Variants in ANKS1B observed in about 807,000 individuals in gnomAD.
ANKS1B encodes ankyrin repeat and sterile alpha motif domain containing 1B.
ANKS1B carries 36 observed loss-of-function variants against 148.3 expected under a neutral mutation model. The ratio of observed to expected loss-of-function variants is 0.24; its 90% CI spans 0.19 to 0.32. The LOEUF (loss-of-function observed/expected upper bound fraction) is 0.32, where lower values mean the gene tolerates loss of function less well. ANKS1B is among the 10% of genes least tolerant of loss of function. ANKS1B has a pLI of 1.00. For synonymous variants in ANKS1B, 542 were observed against 560.8 expected, an observed-to-expected ratio of 0.97 and a Z score of 0.47; for missense variants, 1,157 against 1,542.6, an observed-to-expected ratio of 0.75 and a Z score of 4.19.
intron 14 of ANKS1B, among the ~76,000 whole-genome samples, chr12:99,243,561 T>A (rs1006904285): frequency 6.6e-6 from 1 of 152,230 alleles, no homozygotes; most frequent in African/African-American, 2.4e-5. Flanking sequence ...CATGTTACTA[T>A]GAAGACACAT....
intron 9 of ANKS1B, among the ~76,000 whole-genome samples, chr12:99,543,350 GA>G (rs1410050047): frequency 2.0e-5 from 3 of 152,064 alleles, no homozygotes; most frequent in Non-Finnish European, 4.4e-5. Context: ...GGAAAAATTG[GA>G]ACCTTCATAC....
rs115310145 is a variant in ANKS1B, at chr12:98,752,559, C to T, written c.3580-1037G>A. Among the ~76,000 whole-genome samples, 698 of 152,212 alleles carry T rather than the reference C, an allele frequency of 4.6e-3. 7 individuals are homozygous for T. Among genetic ancestry groups the T allele is most frequent in the African/African-American group, 0.016 (656 of 41,536 alleles). On this transcript the variant is annotated intron_variant, in intron 25 of 26. Transcript: ENST00000683438. ...GGAGTGAGCCACCACGCCTGGTCCA[C>T]GGGTGCATCTTTAAGCTTGGCAAAA...
rs117493079 is a variant in ANKS1B at position 99,964,895 on chromosome 12, G to A, written c.134+19209C>T. 8.6e-3 allele frequency among the ~76,000 whole-genome samples: 1,316 copies of A among 152,242 alleles called. 15 individuals are homozygous for A. The highest frequency in any genetic ancestry group is 0.013 in the Non-Finnish European group (893 of 68,020). On this transcript the variant is annotated intron_variant, in intron 1 of 26. Coordinates refer to ENST00000683438, the MANE Select transcript of ANKS1B (RefSeq NM_001352186.2). ...AGGACATTAACAGAAGGGAGGGGAC[G>A]ATAGTGGAGAGGAGATTGATAGCAT... is the stretch of plus-strand genomic sequence containing the variant.
At chr12:98,931,966 T>A (rs2099814042) in intron 17 of ANKS1B, among the ~76,000 whole-genome samples, 1 of 152,142 alleles carries the variant, frequency 6.6e-6, no homozygotes, top group Non-Finnish European at 1.5e-5. Flanking sequence ...AAGCTCTAAA[T>A]CTATATTGTG....
At chr12:99,840,664 C>T (rs1451044150) in intron 1 of ANKS1B, among the ~76,000 whole-genome samples, 4 of 152,022 alleles carry the variant, frequency 2.6e-5, no homozygotes, top group South Asian at 4.1e-4. Flanking sequence ...GGAAGGACTG[C>T]GAGATTTCTG....
chr12:99,641,159 G>A (rs1567542064), intron 9 of ANKS1B, among the ~76,000 whole-genome samples: 1 of 152,102 alleles, frequency 6.6e-6, no homozygotes, highest in Non-Finnish European at 1.5e-5. Context: ...ACAGAGTGAT[G>A]TCTCTGAAGG....
intron 15 of ANKS1B, among the ~76,000 whole-genome samples, chr12:99,105,474 C>T (rs970088134): frequency 1.3e-5 from 2 of 152,146 alleles, no homozygotes; most frequent in Non-Finnish European, 2.9e-5. Flanking sequence ...CCCAATGTCA[C>T]AGGAAATACT....
At chr12:99,354,060 AAAG>A (rs991912089) in intron 12 of ANKS1B, among the ~76,000 whole-genome samples, 3 of 152,100 alleles carry the variant, frequency 2.0e-5, no homozygotes, top group African/African-American at 7.2e-5. Context: ...ATGCAAGATA[AAAG>A]AAGTATCACA....
rs375776233 is a variant in ANKS1B, at chr12:99,423,926, C to T, written c.1575+19747G>A. ...TGGGTGATGAAATAATCTGTATAAC[C>T]CCCCCACCCCGACACAAGTTTACCT... is the stretch of plus-strand genomic sequence containing the variant. On this transcript the variant is annotated intron_variant, in intron 11 of 26. Coordinates refer to ENST00000683438, the MANE Select transcript of ANKS1B (RefSeq NM_001352186.2). Among the ~76,000 whole-genome samples, 30 of 151,858 alleles carry T rather than the reference C, an allele frequency of 2.0e-4. 1 individual carries two copies. The East Asian group carries it at 4.1e-3, about 21-fold the overall frequency.
intron 9 of ANKS1B, among the ~76,000 whole-genome samples, chr12:99,653,640 G>GA (rs1226869918): frequency 6.8e-6 from 1 of 147,786 alleles, no homozygotes; most frequent in African/African-American, 2.5e-5. Context: ...GATTTTGCTT[G>GA]ATAAAGAAGA....
intron 26 of ANKS1B, among the ~76,000 whole-genome samples, chr12:98,749,550 C>A (rs906650643): frequency 6.6e-6 from 1 of 152,058 alleles, no homozygotes; most frequent in African/African-American, 2.4e-5. Flanking sequence ...GTTAGGACAT[C>A]CGCCTCTTCA....
At chr12:99,676,810 A>G (rs965544294) in intron 8 of ANKS1B, among the ~76,000 whole-genome samples, 1 of 152,234 alleles carries the variant, frequency 6.6e-6, no homozygotes, top group Non-Finnish European at 1.5e-5. Context: ...AACAAGTAGA[A>G]AAGTGGAGTA....
intron 9 of ANKS1B, among the ~76,000 whole-genome samples, chr12:99,570,363 A>T (rs1415484897): frequency 2.0e-5 from 3 of 151,890 alleles, no homozygotes; most frequent in African/African-American, 7.3e-5. Context: ...ATGAAGGCGG[A>T]TAGGCCGGGC....
At chr12:99,600,267 A>G (rs2097790289) in intron 9 of ANKS1B, among the ~76,000 whole-genome samples, 1 of 151,972 alleles carries the variant, frequency 6.6e-6, no homozygotes, top group South Asian at 2.1e-4. Context: ...TTGGGAAAAA[A>G]TTATTACTAA....
chr12:98,922,313 C>G (rs907082834), intron 17 of ANKS1B, among the ~76,000 whole-genome samples: 1 of 152,098 alleles, frequency 6.6e-6, no homozygotes, highest in Admixed American at 6.5e-5. Flanking sequence ...AGAGTCTACA[C>G]GCTTTTTAGT....
At chr12:99,213,220 G>T (rs576676825) in intron 14 of ANKS1B, among the ~76,000 whole-genome samples, 1 of 152,174 alleles carries the variant, frequency 6.6e-6, no homozygotes, top group Admixed American at 6.5e-5. Flanking sequence ...TTCAGCATCC[G>T]CACGGCCTGC....
At chr12:99,976,348 A>T (rs7971183) in intron 1 of ANKS1B, among the ~76,000 whole-genome samples, 4,087 of 152,114 alleles carry the variant, frequency 0.027, 166 homozygotes, top group African/African-American at 0.091. Context: ...TCTGTTGAAA[A>T]TTTTTTTTAA....
At chr12:99,647,305 T>G (rs1231469959) in intron 9 of ANKS1B, among the ~76,000 whole-genome samples, 3 of 152,140 alleles carry the variant, frequency 2.0e-5, no homozygotes, top group African/African-American at 7.2e-5. Flanking sequence ...TCACAGAAGC[T>G]CCATAATTTA....
At chr12:99,082,590 G>A (rs2050182202) in intron 16 of ANKS1B, among the ~76,000 whole-genome samples, 1 of 152,132 alleles carries the variant, frequency 6.6e-6, no homozygotes, top group Non-Finnish European at 1.5e-5. Flanking sequence ...CTGGACAGAG[G>A]TTAAGCATCT....
Sources: gnomAD v4.1 joint callset for allele counts (sites outside exome capture counted in the v4.1 genomes callset) on GRCh38, gnomAD v4.1.1 for gene constraint, MANE v1.5 for transcripts, NCBI Gene and HGNC (gene_info 2026-07-23, HGNC 2026-07-21) for gene names.